The following CPQ variants were observed in gnomAD, a reference collection of about 807,000 sequenced individuals.
CPQ encodes the protein Ser-Met dipeptidase.
CPQ carries 37 observed loss-of-function variants against 45.7 expected under a neutral mutation model. That is an observed-to-expected ratio of 0.81 (90% CI 0.62 to 1.07). The LOEUF is 1.07. Ranked by LOEUF, CPQ falls within the 50% of genes least tolerant of loss-of-function variation. The pLI, the probability that CPQ is intolerant of heterozygous loss-of-function variation, is 0.00. For synonymous variants in CPQ, 186 were observed against 205.8 expected (o/e 0.90, Z 0.82); for missense variants, 537 against 572.9 (o/e 0.94, Z 0.64).
intron 1 of CPQ, among the ~76,000 whole-genome samples, chr8:96,664,770 T>C (rs1213078819): frequency 1.3e-5 from 2 of 152,338 alleles, no homozygotes; most frequent in South Asian, 2.1e-4. Flanking sequence ...GAAATGGTGA[T>C]TTGTGTGGAT....
intron 5 of CPQ, among the ~76,000 whole-genome samples, chr8:97,028,000 G>A (rs1195919975): frequency 1.3e-5 from 2 of 152,196 alleles, no homozygotes; most frequent in Non-Finnish European, 2.9e-5. Context: ...CAACTGCGGG[G>A]CTTGGACCAC....
At chr8:96,736,811 C>G (rs1016387969) in intron 1 of CPQ, among the ~76,000 whole-genome samples, 1 of 152,044 alleles carries the variant, frequency 6.6e-6, no homozygotes, top group African/African-American at 2.4e-5. Context: ...TTTTCTAAAT[C>G]TTTAATTTCT....
chr8:96,957,947 C>T (rs1234928492), intron 4 of CPQ, among the ~76,000 whole-genome samples: 2 of 151,716 alleles, frequency 1.3e-5, no homozygotes, highest in Non-Finnish European at 2.9e-5. Context: ...ATCCTCCTAC[C>T]TCAGTCCACC....
At chr8:97,012,199 G>A (rs988583836) in intron 5 of CPQ, among the ~76,000 whole-genome samples, 2 of 152,058 alleles carry the variant, frequency 1.3e-5, no homozygotes, top group South Asian at 2.1e-4. Context: ...CAATGATTGC[G>A]GCATTTAATC....
intron 4 of CPQ, among the ~76,000 whole-genome samples, chr8:96,922,719 T>A (rs560459745): frequency 1.3e-5 from 2 of 152,342 alleles, no homozygotes; most frequent in South Asian, 4.1e-4. Flanking sequence ...TCCAATAGAA[T>A]GGAAAGATGC....
chr8:96,696,574 T>C (rs1809387725), intron 1 of CPQ, among the ~76,000 whole-genome samples: 1 of 151,440 alleles, frequency 6.6e-6, no homozygotes, highest in Non-Finnish European at 1.5e-5. Flanking sequence ...AAAAGATCAA[T>C]GAAGTGAAAA....
chr8:96,842,304 A>C (rs1306669745), intron 3 of CPQ, among the ~76,000 whole-genome samples: 1 of 152,188 alleles, frequency 6.6e-6, no homozygotes, highest in Non-Finnish European at 1.5e-5. Context: ...TTAGCTATCA[A>C]GCTTCATTTA....
At position 96,845,879 on chromosome 8, in the gene CPQ, G is replaced by A. The variant is rs568703000; in HGVS notation, c.641+10699G>A. Among the ~76,000 whole-genome samples the A allele has an allele frequency of 1.1e-4, 17 of 152,240 alleles. No individual in the cohort carries two copies. The South Asian group carries it at 2.9e-3, about 26-fold the overall frequency. On this transcript the variant is annotated intron_variant, in intron 3 of 7. Transcript: ENST00000220763. The stretch of plus-strand genomic sequence containing the variant: ...CTTGTTGCCTAGGCAGGAGTAAATG[G>A]CGCGATCTCGGCTCACTGCAACCTC...
chr8:96,851,795 C>T (rs1161037930), intron 3 of CPQ, among the ~76,000 whole-genome samples: 3 of 152,166 alleles, frequency 2.0e-5, no homozygotes, highest in Admixed American at 1.3e-4. Context: ...GAAGGGGACT[C>T]GACAGTCTTG....
At chr8:97,110,286 C>T (rs1029357857) in intron 7 of CPQ, among the ~76,000 whole-genome samples, 4 of 152,174 alleles carry the variant, frequency 2.6e-5, no homozygotes, top group Admixed American at 1.3e-4. Context: ...CACGCTGTTG[C>T]ATTTATCAAT....
intron 4 of CPQ, among the ~76,000 whole-genome samples, chr8:96,890,130 G>A (rs1812354295): frequency 6.6e-6 from 1 of 152,080 alleles, no homozygotes; most frequent in Non-Finnish European, 1.5e-5. Flanking sequence ...CACACTAATT[G>A]TTAACCTAAA....
chr8:96,849,237 A>T (rs562424461), intron 3 of CPQ, among the ~76,000 whole-genome samples: 1 of 152,304 alleles, frequency 6.6e-6, no homozygotes, highest in South Asian at 2.1e-4. Context: ...TGAATTACTG[A>T]ACCTATTCTT....
At chr8:97,071,432 C>G (rs1226456772) in intron 7 of CPQ, among the ~76,000 whole-genome samples, 1 of 152,146 alleles carries the variant, frequency 6.6e-6, no homozygotes, top group African/African-American at 2.4e-5. Flanking sequence ...TGTTCTCCTC[C>G]TCCTCTGTCC....
At chr8:96,911,876 G>A (rs1042412358) in intron 4 of CPQ, among the ~76,000 whole-genome samples, 29 of 152,240 alleles carry the variant, frequency 1.9e-4, no homozygotes, top group South Asian at 1.0e-3. Context: ...AAGCAGCATC[G>A]TTCATAAGGT....
chr8:96,808,815 C>G (rs754573797), intron 2 of CPQ, among the ~76,000 whole-genome samples: 209 of 152,218 alleles, frequency 1.4e-3, no homozygotes, highest in Non-Finnish European at 2.0e-3. Flanking sequence ...TCAATAGTAT[C>G]TACTTTCAGA....
At chr8:97,033,421 T>A (rs1266281844) in intron 6 of CPQ, among the ~76,000 whole-genome samples, 1 of 152,172 alleles carries the variant, frequency 6.6e-6, no homozygotes, top group Non-Finnish European at 1.5e-5. Flanking sequence ...ACTATCTGGG[T>A]CTTTACAGAA....
intron 5 of CPQ, among the ~76,000 whole-genome samples, chr8:96,984,854 C>A (rs1348347782): frequency 6.6e-6 from 1 of 152,156 alleles, no homozygotes; most frequent in African/African-American, 2.4e-5. Flanking sequence ...TGAATTTCAG[C>A]TGTTATGATT....
chr8:96,801,560 A>G (rs1331103124), intron 2 of CPQ, among the ~76,000 whole-genome samples: 1 of 152,004 alleles, frequency 6.6e-6, no homozygotes, highest in African/African-American at 2.4e-5. Context: ...TTCATTTCTA[A>G]GCTTTTAAGG....
At chr8:96,873,759 T>C (rs1176145133) in intron 3 of CPQ, among the ~76,000 whole-genome samples, 2 of 151,856 alleles carry the variant, frequency 1.3e-5, no homozygotes, top group East Asian at 1.9e-4. Flanking sequence ...CAATGTGTTA[T>C]ATGCCCCTGC....
Sources: gnomAD v4.1 joint callset for allele counts (sites outside exome capture counted in the v4.1 genomes callset) on GRCh38, gnomAD v4.1.1 for gene constraint, MANE v1.5 for transcripts, NCBI Gene and HGNC (gene_info 2026-07-23, HGNC 2026-07-21) for gene names.